The following AGPAT5 variants were observed in gnomAD, a reference collection of about 807,000 sequenced individuals.
AGPAT5 encodes 1-acylglycerol-3-phosphate O-acyltransferase 5.
A neutral mutation model predicts 45.6 loss-of-function variants in AGPAT5; 46 were observed. That is an observed-to-expected ratio of 1.01 (90% CI 0.80 to 1.29). The LOEUF is 1.29. Ranked by LOEUF, AGPAT5 falls within the 50% of genes most tolerant of loss-of-function variation. AGPAT5 has a pLI of 0.00. For synonymous variants in AGPAT5, 272 were observed against 167.0 expected (o/e 1.63, Z -4.85); for missense variants, 673 against 450.7 (o/e 1.49, Z -4.47).
At chr8:6,718,485 G>T (rs1056162929) in intron 1 of AGPAT5, among the ~76,000 whole-genome samples, 1 of 145,420 alleles carries the variant, frequency 6.9e-6, no homozygotes, top group East Asian at 2.0e-4. Context: ...AGCATACAGA[G>T]GCTTGTAACA....
At chr8:6,750,724 C>CTT (rs34086600) in intron 6 of AGPAT5, among the ~76,000 whole-genome samples, 5,678 of 146,846 alleles carry the variant, frequency 0.039, 251 homozygotes, top group African/African-American at 0.11. Context: ...CAGGGGATAC[C>CTT]TTTTTTTTTT....
Position 6,708,741 on chromosome 8 carries a change from G to T in AGPAT5, c.73G>T (p.Ala25Ser). The T allele has an allele frequency of 1.2e-6, 2 of 1,607,774 alleles. No individual in the cohort carries two copies. Among genetic ancestry groups the T allele is most frequent in the Non-Finnish European group, 8.5e-7 (1 of 1,179,648 alleles). ...LLPSVVLLGT[A>S]PTYVLAWGVW... ...GCCCAGCGTCGTGCTCCTGGGCACG[G>T]CGCCCACCTACGTGTTGGCCTGGGG... is the stretch of plus-strand genomic sequence containing the variant. Residue 25 changes from alanine (A) to serine (S), a missense_variant, in exon 1 of 8, where the codon GCG becomes TCG. Transcript: ENST00000285518.
intron 1 of AGPAT5, among the ~76,000 whole-genome samples, chr8:6,717,649 G>T (rs1334136046): frequency 6.6e-6 from 1 of 152,232 alleles, no homozygotes; most frequent in Non-Finnish European, 1.5e-5. Context: ...AACTGGGTGG[G>T]AGCTGTTGCA....
rs1802030975 is a variant in AGPAT5 at position 6,761,175 on chromosome 8, C to G, written c.*3787C>G. On this transcript the variant is annotated 3_prime_UTR_variant, in exon 8 of 8. Transcript: ENST00000285518. ...CTTCAAATAGAAAGCTGAAGTACTT[C>G]TAATATACTGAGGGAAGTATAATAT... 6.6e-6 allele frequency among the ~76,000 whole-genome samples: 1 copy of G among 152,118 alleles called. No individual in the cohort carries two copies.
intron 2 of AGPAT5, among the ~76,000 whole-genome samples, chr8:6,729,137 T>C (rs1306774987): frequency 1.3e-5 from 2 of 152,198 alleles, no homozygotes; most frequent in African/African-American, 4.8e-5. Flanking sequence ...AAGAGAGATG[T>C]ATAATAATGG....
intron 2 of AGPAT5, among the ~76,000 whole-genome samples, chr8:6,726,274 C>T (rs906837288): frequency 6.6e-6 from 1 of 152,196 alleles, no homozygotes; most frequent in East Asian, 1.9e-4. Context: ...AAATATCAAA[C>T]AAAAGGGATC....
intron 5 of AGPAT5, among the ~76,000 whole-genome samples, chr8:6,743,706 A>G (rs1336796989): frequency 6.6e-5 from 10 of 151,664 alleles, no homozygotes; most frequent in Non-Finnish European, 1.5e-4. Context: ...TAATGGTTAT[A>G]AGGGATGTGG....
chr8:6,728,848 A>G (rs1329453292), intron 2 of AGPAT5, among the ~76,000 whole-genome samples: 1 of 152,226 alleles, frequency 6.6e-6, no homozygotes, highest in Non-Finnish European at 1.5e-5. Flanking sequence ...TTTATCAGTT[A>G]TTATTTCTTC....
chr8:6,725,067 T>C, intron 2 of AGPAT5, 128 bp downstream of exon 2: 1 of 327,224 alleles, frequency 3.1e-6, no homozygotes. Flanking sequence ...ATATTACACC[T>C]GTTCTTGTAT....
chr8:6,739,797 G>C (rs1193472740), intron 4 of AGPAT5, among the ~76,000 whole-genome samples: 2 of 152,080 alleles, frequency 1.3e-5, no homozygotes, highest in East Asian at 3.9e-4. Flanking sequence ...GCCTTGACTA[G>C]AACTGGTGTG....
chr8:6,729,798 C>T (rs1040113746), intron 2 of AGPAT5, among the ~76,000 whole-genome samples: 10 of 152,210 alleles, frequency 6.6e-5, no homozygotes, highest in African/African-American at 1.9e-4. Flanking sequence ...TTCATACCAT[C>T]TTACCCTTGT....
chr8:6,733,244 T>G (rs779075246), intron 4 of AGPAT5, among the ~76,000 whole-genome samples: 77 of 152,224 alleles, frequency 5.1e-4, no homozygotes, highest in Non-Finnish European at 4.3e-4. Context: ...CCGGGGCGAC[T>G]TGGGCTTTCT....
chr8:6,729,557 C>T (rs1800796044), intron 2 of AGPAT5, among the ~76,000 whole-genome samples: 1 of 152,124 alleles, frequency 6.6e-6, no homozygotes. Flanking sequence ...AGTTTGTAGC[C>T]ATTTACTTTC....
intron 1 of AGPAT5, among the ~76,000 whole-genome samples, chr8:6,716,126 T>G (rs1050349395): frequency 9.2e-5 from 14 of 152,342 alleles, no homozygotes; most frequent in Admixed American, 9.2e-4. Context: ...GTAACTTTTA[T>G]GTAATATTAA....
intron 1 of AGPAT5, among the ~76,000 whole-genome samples, chr8:6,720,249 C>G (rs986468593): frequency 1.3e-5 from 1 of 78,360 alleles, no homozygotes; most frequent in Non-Finnish European, 2.2e-5. Flanking sequence ...ACAATTTGAT[C>G]AACTTATCAA....
At chr8:6,725,049 C>T (rs369365014) in intron 2 of AGPAT5, 110 bp downstream of exon 2, 3 of 355,996 alleles carry the variant, frequency 8.4e-6, no homozygotes, top group African/African-American at 6.3e-5. Flanking sequence ...CAGCAATTTT[C>T]TGTGCAGATA....
chr8:6,714,859 T>C (rs1032586325), intron 1 of AGPAT5, among the ~76,000 whole-genome samples: 1 of 152,270 alleles, frequency 6.6e-6, no homozygotes, highest in African/African-American at 2.4e-5. Flanking sequence ...ATACCTAGTT[T>C]ACTTTCCCTC....
chr8:6,749,606 T>G (rs1312769033), intron 6 of AGPAT5, among the ~76,000 whole-genome samples: 1 of 152,198 alleles, frequency 6.6e-6, no homozygotes, highest in African/African-American at 2.4e-5. Context: ...TATATCTTCT[T>G]ATTCTACCAT....
At chr8:6,734,348 A>G (rs1457122645) in intron 4 of AGPAT5, among the ~76,000 whole-genome samples, 2 of 149,300 alleles carry the variant, frequency 1.3e-5, no homozygotes, top group South Asian at 2.1e-4. Flanking sequence ...CTTTGAGTTC[A>G]TGGATTCTTC....
Sources: gnomAD v4.1 joint callset for allele counts (sites outside exome capture counted in the v4.1 genomes callset) on GRCh38, gnomAD v4.1.1 for gene constraint, MANE v1.5 for transcripts, NCBI Gene and HGNC (gene_info 2026-07-23, HGNC 2026-07-21) for gene names.